The following ACBD6 variants were observed in gnomAD, a reference collection of about 807,000 sequenced individuals.
ACBD6 encodes the protein acyl-CoA-binding domain-containing protein 6.
Under a neutral mutation model 37.2 loss-of-function variants are expected in ACBD6, and 28 were observed. The ratio of observed to expected loss-of-function variants is 0.75; its 90% CI spans 0.56 to 1.03. The LOEUF is 1.03. Among genes scored for constraint, ACBD6 ranks in the 50% least tolerant of loss-of-function variants. ACBD6 has a pLI of 0.00. For synonymous variants in ACBD6, 113 were observed against 126.8 expected (o/e 0.89, Z 0.73); for missense variants, 340 against 337.4 (o/e 1.01, Z -0.06).
rs575820151 is a variant in ACBD6, at chr1:180,383,102, C to T, written c.663+14414G>A. Reference sequence around the variant, plus strand: ...AACATCGTACCAAATGGGGAAAAATCGGAAAACCTTTCCCCCAAGAACTGG... The same window carrying T: ...AACATCGTACCAAATGGGGAAAAATTGGAAAACCTTTCCCCCAAGAACTGG... On this transcript the variant is annotated intron_variant, in intron 6 of 7. Coordinates refer to ENST00000367595, the MANE Select transcript of ACBD6 (RefSeq NM_032360.4). 2.6e-5 allele frequency among the ~76,000 whole-genome samples: 4 copies of T among 152,234 alleles called. No homozygotes were observed. The South Asian group carries it at 6.2e-4, about 24-fold the overall frequency.
chr1:180,365,266 A>AT (rs1206928700), intron 6 of ACBD6, among the ~76,000 whole-genome samples: 1 of 152,230 alleles, frequency 6.6e-6, no homozygotes, highest in African/African-American at 2.4e-5. Context: ...GCTCTAGTTG[A>AT]TAGAAGAACG....
At chr1:180,460,387 G>A (rs1042869214) in intron 3 of ACBD6, among the ~76,000 whole-genome samples, 3 of 151,998 alleles carry the variant, frequency 2.0e-5, no homozygotes, top group African/African-American at 4.8e-5. Flanking sequence ...TCGCAGAAAC[G>A]GTACCCCAGC....
intron 6 of ACBD6, among the ~76,000 whole-genome samples, chr1:180,384,015 C>A (rs1055795825): frequency 2.8e-4 from 42 of 151,644 alleles, no homozygotes; most frequent in Non-Finnish European, 3.7e-4. Flanking sequence ...ATATAAAAAT[C>A]AACTCAAGAT....
At chr1:180,321,130 A>G (rs1415853478) in intron 6 of ACBD6, among the ~76,000 whole-genome samples, 1 of 152,060 alleles carries the variant, frequency 6.6e-6, no homozygotes, top group African/African-American at 2.4e-5. Flanking sequence ...TGGGTTCTCT[A>G]TTCTGTTCCA....
In ACBD6 at chr1:180,502,149, T is replaced by C. The variant is rs772039803; in HGVS notation, c.118A>G (p.Ser40Gly). Residue 40 changes from serine (S) to glycine (G), a missense_variant, in exon 1 of 8, where the codon AGT becomes GGT. Transcript: ENST00000367595. ...TTCTCAAACAGCTCGGCCAGGCAAC[T>C]GGTCTCCTCGATCTCAGGGCTATGG... ...FPHSPEIEET[S>G]CLAELFEKAA... 1.2e-6 allele frequency: 2 copies of C among 1,613,968 alleles called. No individual in the cohort carries two copies. Among genetic ancestry groups the C allele is most frequent in the African/African-American group, 1.3e-5 (1 of 74,932 alleles).
intron 6 of ACBD6, among the ~76,000 whole-genome samples, chr1:180,330,537 C>T (rs575339315): frequency 6.6e-6 from 1 of 152,268 alleles, no homozygotes; most frequent in South Asian, 2.1e-4. Flanking sequence ...ACTCTTTCTC[C>T]ACATGGGCTA....
At chr1:180,498,836 T>C (rs958084205) in intron 1 of ACBD6, among the ~76,000 whole-genome samples, 2 of 150,112 alleles carry the variant, frequency 1.3e-5, no homozygotes, top group Non-Finnish European at 2.9e-5. Context: ...CCAGCCTGGA[T>C]GACAGAGCAA....
chr1:180,387,811 T>A (rs952294229), intron 6 of ACBD6, among the ~76,000 whole-genome samples: 1 of 152,192 alleles, frequency 6.6e-6, no homozygotes, highest in African/African-American at 2.4e-5. Context: ...GCTTTTCTTA[T>A]CTGCACCCAT....
At chr1:180,434,105 A>G (rs1648922120) in intron 3 of ACBD6, among the ~76,000 whole-genome samples, 1 of 152,200 alleles carries the variant, frequency 6.6e-6, no homozygotes, top group African/African-American at 2.4e-5. Flanking sequence ...AGAAACCTGA[A>G]AAACTAGTTC....
intron 4 of ACBD6, among the ~76,000 whole-genome samples, chr1:180,416,524 C>T (rs1281742028): frequency 6.6e-6 from 1 of 152,132 alleles, no homozygotes; most frequent in South Asian, 2.1e-4. Flanking sequence ...TTATCATATT[C>T]ATTATCTATA....
chr1:180,398,234 T>C (rs1296287269), intron 5 of ACBD6, among the ~76,000 whole-genome samples: 2 of 152,164 alleles, frequency 1.3e-5, no homozygotes, highest in Non-Finnish European at 2.9e-5. Flanking sequence ...ACCTGCTAAA[T>C]GAACTGTAAG....
intron 6 of ACBD6, among the ~76,000 whole-genome samples, chr1:180,334,743 A>G (rs917905172): frequency 1.3e-5 from 2 of 152,154 alleles, no homozygotes; most frequent in African/African-American, 4.8e-5. Flanking sequence ...AACCCATGGC[A>G]AAGAAGTTAA....
intron 8 of ACBD6, among the ~76,000 whole-genome samples, chr1:180,282,005 T>C (rs1237017265): frequency 6.6e-6 from 1 of 152,246 alleles, no homozygotes; most frequent in East Asian, 1.9e-4. Context: ...TCTGTCATTT[T>C]TGCCATTGTG....
At chr1:180,350,140 C>T (rs1652354956) in intron 6 of ACBD6, among the ~76,000 whole-genome samples, 1 of 151,916 alleles carries the variant, frequency 6.6e-6, no homozygotes, top group South Asian at 2.1e-4. Flanking sequence ...ATCTCCCTGC[C>T]TCAGCCTCCA....
At chr1:180,434,923 G>A in intron 3 of ACBD6, 1 of 779,464 alleles carries the variant, frequency 1.3e-6, no homozygotes, top group Non-Finnish European at 2.4e-6. Flanking sequence ...ACAAGCTCAG[G>A]CTCAGCCAAC....
rs552880725 is a variant in ACBD6, at chr1:180,335,252, G to A, written c.664-20530C>T. ...AAATGAAGGAAAAAATGTTAAGGGC[G>A]GCCAGAGAGAAAGGTCAGGTAACCC... On this transcript the variant is annotated intron_variant, in intron 6 of 7. Transcript: ENST00000367595. Among the ~76,000 whole-genome samples, 14 of 152,136 alleles carry A rather than the reference G, an allele frequency of 9.2e-5. 1 individual carries two copies. Among genetic ancestry groups the A allele is most frequent in the Non-Finnish European group, 1.3e-4 (9 of 67,988 alleles).
At chr1:180,319,592 G>A (rs1243590598) in intron 6 of ACBD6, among the ~76,000 whole-genome samples, 1 of 152,002 alleles carries the variant, frequency 6.6e-6, no homozygotes, top group Non-Finnish European at 1.5e-5. Flanking sequence ...CAAATATTAG[G>A]TCTTAGTCAT....
chr1:180,337,036 T>G (rs142452264), intron 6 of ACBD6, among the ~76,000 whole-genome samples: 75,122 of 151,856 alleles, frequency 0.49, 21,210 homozygotes, highest in South Asian at 0.66. Context: ...CCAAAAAAAG[T>G]CCAGGACCAG....
intron 6 of ACBD6, among the ~76,000 whole-genome samples, chr1:180,339,474 T>C (rs1366306053): frequency 3.9e-5 from 6 of 152,074 alleles, no homozygotes; most frequent in Non-Finnish European, 7.4e-5. Flanking sequence ...AGGTGGGAAT[T>C]GAACAATGAG....
Sources: gnomAD v4.1 joint callset for allele counts (sites outside exome capture counted in the v4.1 genomes callset) on GRCh38, gnomAD v4.1.1 for gene constraint, MANE v1.5 for transcripts, NCBI Gene and HGNC (gene_info 2026-07-23, HGNC 2026-07-21) for gene names.